The following ZMIZ1 variants were observed in gnomAD, a reference collection of about 807,000 sequenced individuals.
ZMIZ1 encodes the protein zinc finger MIZ domain-containing protein 1.
In ZMIZ1, 17 loss-of-function variants were observed where a neutral mutation model predicts 113.9. The observed-to-expected ratio is 0.15, with a 90% CI of 0.10 to 0.22. The LOEUF is 0.22. Among genes scored for constraint, ZMIZ1 ranks in the 10% least tolerant of loss-of-function variants. The probability of loss-of-function intolerance (pLI) is 1.00; values close to 1 mark genes in which losing one functional copy is unlikely to be tolerated. For missense variants in ZMIZ1, 1,059 were observed against 1,477.8 expected (o/e 0.72, Z 4.65); for synonymous variants, 607 against 603.1 (o/e 1.01, Z -0.09).
rs758880705 is a variant in ZMIZ1, at chr10:79,293,546, A to C, written c.1123A>C (p.Ile375Leu). ...MGMNQPRPPG[I>L]SPFGTHGQRM... ...CATGAACCAGCCCCGGCCGCCCGGC[A>C]TCAGCCCCTTTGGCACACACGGGCA... Residue 375 changes from isoleucine to leucine, a missense_variant, in exon 12 of 25, where the codon ATC becomes CTC. Coordinates refer to ENST00000334512, the MANE Select transcript of ZMIZ1 (RefSeq NM_020338.4). The C allele has an allele frequency of 3.2e-5, 51 of 1,612,438 alleles. No homozygotes were observed. Among genetic ancestry groups the C allele is most frequent in the Non-Finnish European group, 4.2e-5 (49 of 1,179,676 alleles).
chr10:79,076,265 T>C (rs1261867104), intron 1 of ZMIZ1, among the ~76,000 whole-genome samples: 2 of 152,222 alleles, frequency 1.3e-5, no homozygotes, highest in African/African-American at 4.8e-5. Context: ...AAACATGTAT[T>C]GAGTGTGTGC....
intron 1 of ZMIZ1, among the ~76,000 whole-genome samples, chr10:79,072,181 T>G (rs1458119761): frequency 6.6e-6 from 1 of 151,858 alleles, no homozygotes; most frequent in East Asian, 1.9e-4. Context: ...GGGAGGAGGG[T>G]TCTTGTTCCT....
rs558437103 is a variant in ZMIZ1, at chr10:79,289,585, C to G, written c.426-190C>G. 3.3e-5 allele frequency among the ~76,000 whole-genome samples: 5 copies of G among 152,332 alleles called. No individual in the cohort carries two copies. In the East Asian group the frequency reaches 9.6e-4, roughly 29 times the overall value. On this transcript the variant is annotated intron_variant, in intron 8 of 24. Coordinates refer to ENST00000334512, the MANE Select transcript of ZMIZ1 (RefSeq NM_020338.4). ...GGGAAAGGTGGCCACTTCTGAACAG[C>G]CTGTCACCATGCAGGGCACACTGTT...
At chr10:79,293,749 G>C (rs763717652) in intron 12 of ZMIZ1, 96 bp downstream of exon 12, 1 of 1,573,850 alleles carries the variant, frequency 6.4e-7, no homozygotes, top group Non-Finnish European at 8.7e-7. Context: ...GTGTGGCTTG[G>C]ACTCCAGCAC....
At chr10:79,132,110 C>T (rs1472195760) in intron 2 of ZMIZ1, among the ~76,000 whole-genome samples, 1 of 152,222 alleles carries the variant, frequency 6.6e-6, no homozygotes, top group Non-Finnish European at 1.5e-5. Flanking sequence ...AACCACTACC[C>T]TGGGCTTTGA....
rs1855397269 is a variant in ZMIZ1 at position 79,314,284 on chromosome 10, C to T, written c.*1535C>T. The T allele has an allele frequency of 4.4e-6, 2 of 456,598 alleles. No individual in the cohort carries two copies. The highest frequency in any genetic ancestry group is 3.1e-5 in the South Asian group (2 of 64,570). 28.3% of individuals were successfully genotyped at this position (456,598 alleles called of 1,614,324 possible). ...TGCCAGGTTGTCCCGTCACTGGGGT[C>T]CCATCTGTAAATTCTTTGCGCCCTT... On this transcript the variant is annotated 3_prime_UTR_variant, in exon 25 of 25. Transcript: ENST00000334512.
chr10:79,139,080 G>A (rs1325626471), intron 2 of ZMIZ1, among the ~76,000 whole-genome samples: 1 of 152,200 alleles, frequency 6.6e-6, no homozygotes, highest in Non-Finnish European at 1.5e-5. Context: ...AAGCAAAACA[G>A]CCAGCCCTGA....
chr10:79,127,102 C>T (rs1290383503), intron 2 of ZMIZ1, among the ~76,000 whole-genome samples: 2 of 152,222 alleles, frequency 1.3e-5, no homozygotes, highest in African/African-American at 4.8e-5. Flanking sequence ...TGCCTCCTTC[C>T]CTCCTGCTGG....
intron 10 of ZMIZ1, 85 bp from the exon 11 acceptor site, chr10:79,292,073 T>G: frequency 7.5e-7 from 1 of 1,337,284 alleles, no homozygotes; most frequent in East Asian, 2.3e-5. Flanking sequence ...TACAGCTCCA[T>G]CATCTCCCTT....
intron 1 of ZMIZ1, among the ~76,000 whole-genome samples, chr10:79,109,903 C>G (rs1269798076): frequency 6.6e-6 from 1 of 152,272 alleles, no homozygotes; most frequent in African/African-American, 2.4e-5. Context: ...ACCTCAGTCT[C>G]CCCATCTGTA....
At position 79,157,416 on chromosome 10, in the gene ZMIZ1, C is replaced by T. The variant is rs368483506; in HGVS notation, c.-130-4637C>T. ...GTGTGTGTGTGTGGTCAGTTGGCAG[C>T]AAGTGTGAACAGCTGAGGCCTAATG... is the stretch of plus-strand genomic sequence containing the variant. On this transcript the variant is annotated intron_variant, in intron 3 of 24. Coordinates refer to ENST00000334512, the MANE Select transcript of ZMIZ1 (RefSeq NM_020338.4). Among the ~76,000 whole-genome samples the T allele has an allele frequency of 2.9e-4, 44 of 150,490 alleles. 1 individual carries two copies. The South Asian group carries it at 6.5e-3, about 22-fold the overall frequency.
intron 4 of ZMIZ1, among the ~76,000 whole-genome samples, chr10:79,185,087 C>T (rs35057029): frequency 0.19 from 29,558 of 152,110 alleles, 3,280 homozygotes; most frequent in South Asian, 0.3. Flanking sequence ...GCGAGCAGGA[C>T]GGTGAAGCCT....
intron 7 of ZMIZ1, among the ~76,000 whole-genome samples, chr10:79,221,966 A>G (rs1312382139): frequency 1.3e-5 from 2 of 152,244 alleles, no homozygotes; most frequent in Non-Finnish European, 2.9e-5. Context: ...AAACGCAGAG[A>G]GAGCAGCAGG....
At chr10:79,084,586 T>TA (rs1842751249) in intron 1 of ZMIZ1, among the ~76,000 whole-genome samples, 1 of 152,218 alleles carries the variant, frequency 6.6e-6, no homozygotes, top group Non-Finnish European at 1.5e-5. Context: ...AGCCTCAGCT[T>TA]ACCCCATCAA....
At chr10:79,106,789 T>C (rs1193437835) in intron 1 of ZMIZ1, among the ~76,000 whole-genome samples, 1 of 152,378 alleles carries the variant, frequency 6.6e-6, no homozygotes, top group East Asian at 1.9e-4. Flanking sequence ...CAAATGGGAC[T>C]GGAGAGGTGG....
chr10:79,163,705 A>C (rs1846205354), intron 4 of ZMIZ1, among the ~76,000 whole-genome samples: 1 of 152,210 alleles, frequency 6.6e-6, no homozygotes, highest in Non-Finnish European at 1.5e-5. Context: ...GGGCCCCAGG[A>C]CAAGCATGGG....
At chr10:79,312,529 A>G in intron 24 of ZMIZ1, 113 bp from the exon 25 acceptor site, 2 of 1,100,230 alleles carry the variant, frequency 1.8e-6, no homozygotes, top group South Asian at 1.3e-5. Context: ...TTTTTTGGCT[A>G]GGGTCCTGAG....
intron 8 of ZMIZ1, among the ~76,000 whole-genome samples, chr10:79,284,083 T>C (rs563857779): frequency 6.6e-6 from 1 of 152,342 alleles, no homozygotes; most frequent in East Asian, 1.9e-4. Flanking sequence ...CCCCCCGCGT[T>C]CCTTTCATGA....
At chr10:79,199,022 G>T (rs1847958359) in intron 4 of ZMIZ1, among the ~76,000 whole-genome samples, 1 of 141,430 alleles carries the variant, frequency 7.1e-6, no homozygotes, top group Non-Finnish European at 1.5e-5. Flanking sequence ...AACAGAGCGA[G>T]ACTCAGTCTC....
Sources: allele counts gnomAD v4.1 joint callset (sites outside exome capture counted in the v4.1 genomes callset), GRCh38; gene constraint gnomAD v4.1.1; transcripts MANE v1.5; gene names NCBI Gene and HGNC (gene_info 2026-07-23, HGNC 2026-07-21).